AFG2A: variants seen among roughly 807,000 people sequenced by gnomAD.
AFG2A encodes the protein AAA ATPase AFG2A.
chr4:123,016,243 G>C, the AFG2A span, among the ~76,000 whole-genome samples: 1 of 149,918 alleles, frequency 6.7e-6, no homozygotes, highest in Non-Finnish European at 1.5e-5. Context: ...CGGACGGGGC[G>C]GCTGGCCGGG....
At chr4:123,103,491 A>G in the AFG2A span, among the ~76,000 whole-genome samples, 1 of 152,132 alleles carries the variant, frequency 6.6e-6, no homozygotes, top group African/African-American at 2.4e-5. Context: ...GTTTAGAAGT[A>G]CGGTGTGTGT....
chr4:123,288,398 G>A, the AFG2A span, among the ~76,000 whole-genome samples: 283 of 152,220 alleles, frequency 1.9e-3, 2 homozygotes, highest in Middle Eastern at 3.4e-3. Context: ...ATTGATCTTG[G>A]CAGCACAGAT....
the AFG2A span, among the ~76,000 whole-genome samples, chr4:123,175,262 A>G: frequency 6.6e-6 from 1 of 152,208 alleles, no homozygotes; most frequent in African/African-American, 2.4e-5. Flanking sequence ...TGTCATAAGC[A>G]GACGAGATAA....
At chr4:122,995,366 A>T in the AFG2A span, among the ~76,000 whole-genome samples, 1 of 152,072 alleles carries the variant, frequency 6.6e-6, no homozygotes, top group African/African-American at 2.4e-5. Context: ...CACTCCCAAG[A>T]TCCCAGTCTT....
chr4:123,305,667 T>C, the AFG2A span, among the ~76,000 whole-genome samples: 4 of 152,340 alleles, frequency 2.6e-5, no homozygotes, highest in African/African-American at 9.6e-5. Flanking sequence ...GTAAACAGTC[T>C]TTGCCTTGAC....
At chr4:123,184,532 C>CTTT in the AFG2A span, among the ~76,000 whole-genome samples, 172 of 89,270 alleles carry the variant, frequency 1.9e-3, 20 homozygotes, top group African/African-American at 3.2e-3. Context: ...ATGATCATTT[C>CTTT]TTTTTTTTTT....
the AFG2A span, among the ~76,000 whole-genome samples, chr4:123,155,545 A>G: frequency 6.6e-6 from 1 of 152,118 alleles, no homozygotes; most frequent in East Asian, 1.9e-4. Context: ...TACAGTTTCA[A>G]CCAACTATGA....
At chr4:123,031,250 C>G in the AFG2A span, among the ~76,000 whole-genome samples, 69 of 152,234 alleles carry the variant, frequency 4.5e-4, 1 homozygote. Flanking sequence ...CTCCCAGGTT[C>G]AAGAGATTCT....
chr4:122,949,880 A>G, the AFG2A span, among the ~76,000 whole-genome samples: 2 of 152,228 alleles, frequency 1.3e-5, no homozygotes, highest in South Asian at 2.1e-4. Flanking sequence ...TGTGACATAT[A>G]TATCCTGTTC....
the AFG2A span, among the ~76,000 whole-genome samples, chr4:122,931,034 C>G: frequency 6.6e-6 from 1 of 152,152 alleles, no homozygotes; most frequent in Non-Finnish European, 1.5e-5. Flanking sequence ...CCTTCAGTTG[C>G]AACTGTAAGA....
the AFG2A span, among the ~76,000 whole-genome samples, chr4:123,062,638 T>A: frequency 6.6e-6 from 1 of 152,178 alleles, no homozygotes; most frequent in Non-Finnish European, 1.5e-5. Flanking sequence ...GGTAGCCTGG[T>A]CCTAGGCTAC....
chr4:123,012,628 C>A, the AFG2A span, among the ~76,000 whole-genome samples: 2 of 152,110 alleles, frequency 1.3e-5, no homozygotes, highest in Non-Finnish European at 2.9e-5. Context: ...AGTCTGTGAC[C>A]GGCGCTGGAG....
chr4:123,274,509 A>G, the AFG2A span, among the ~76,000 whole-genome samples: 1 of 151,842 alleles, frequency 6.6e-6, no homozygotes, highest in African/African-American at 2.4e-5. Flanking sequence ...TACCTTGGGT[A>G]TGAGTTTTGA....
At chr4:123,007,608 G>GTGTGTGTGTATA in the AFG2A span, among the ~76,000 whole-genome samples, 29 of 18,142 alleles carry the variant, frequency 1.6e-3, no homozygotes, top group African/African-American at 3.9e-3. Flanking sequence ...GTGTGTGTGT[G>GTGTGTGTGTATA]TATATATATA....
the AFG2A span, among the ~76,000 whole-genome samples, chr4:122,932,595 G>T: frequency 6.6e-6 from 1 of 152,118 alleles, no homozygotes; most frequent in African/African-American, 2.4e-5. Flanking sequence ...GGCTGCTTAT[G>T]CACAAGAGGA....
chr4:122,933,397 G>T, the AFG2A span: 1 of 1,501,574 alleles, frequency 6.7e-7, no homozygotes, highest in African/African-American at 1.4e-5. Context: ...AGTTTCTGGT[G>T]TACCTAATGC....
At chr4:123,291,802 C>G in the AFG2A span, among the ~76,000 whole-genome samples, 1 of 152,206 alleles carries the variant, frequency 6.6e-6, no homozygotes. Flanking sequence ...TCTTAGAATT[C>G]CTTCATTCAC....
At chr4:123,225,945 TC>T in the AFG2A span, among the ~76,000 whole-genome samples, 15 of 152,336 alleles carry the variant, frequency 9.8e-5, no homozygotes, top group African/African-American at 3.6e-4. Context: ...TAAGTTGGAT[TC>T]CTAGGTATTT....
At chr4:123,057,290 T>G in the AFG2A span, 1 of 1,612,992 alleles carries the variant, frequency 6.2e-7, no homozygotes, top group Admixed American at 1.7e-5. Flanking sequence ...AAGGGGCAGG[T>G]AAGAAGTATT....
Sources: allele counts gnomAD v4.1 joint callset (sites outside exome capture counted in the v4.1 genomes callset), GRCh38; gene constraint gnomAD v4.1.1; transcripts MANE v1.5; gene names NCBI Gene and HGNC (gene_info 2026-07-23, HGNC 2026-07-21).